Variants in LCORL observed in about 807,000 individuals in gnomAD.
LCORL encodes the protein ligand dependent nuclear receptor corepressor like.
Under a neutral mutation model 141.8 loss-of-function variants are expected in LCORL, and 41 were observed. The ratio of observed to expected loss-of-function variants is 0.29; its 90% CI spans 0.23 to 0.38. LCORL has a LOEUF of 0.38. LCORL is among the 10% of genes least tolerant of loss of function. The pLI is 1.00. For missense variants in LCORL, 1,759 were observed against 2,035.0 expected (o/e 0.86, Z 2.61); for synonymous variants, 618 against 694.1 (o/e 0.89, Z 1.72).
intron 2 of LCORL, among the ~76,000 whole-genome samples, chr4:17,970,469 A>G (rs1715711733): frequency 6.6e-6 from 1 of 152,308 alleles, no homozygotes; most frequent in South Asian, 2.1e-4. Context: ...TGTAAAATAT[A>G]AAACTCTGAA....
intron 5 of LCORL, among the ~76,000 whole-genome samples, chr4:17,898,960 TAACAGCTTTGACA>T (rs1348780343): frequency 1.3e-5 from 2 of 152,194 alleles, no homozygotes; most frequent in Admixed American, 1.3e-4. Flanking sequence ...GTCTGTTGCT[TAACAGCTTTGACA>T]AACAGGGTAT....
intron 6 of LCORL, among the ~76,000 whole-genome samples, chr4:17,879,074 T>C (rs946107373): frequency 6.6e-6 from 1 of 151,224 alleles, no homozygotes; most frequent in Non-Finnish European, 1.5e-5. Flanking sequence ...GCCTTTCACT[T>C]ACAGTTTATT....
At chr4:18,006,713 C>A (rs781641070) in intron 1 of LCORL, among the ~76,000 whole-genome samples, 1 of 152,102 alleles carries the variant, frequency 6.6e-6, no homozygotes, top group Non-Finnish European at 1.5e-5. Flanking sequence ...TTCACCATCA[C>A]AAGAACAGCG....
intron 1 of LCORL, among the ~76,000 whole-genome samples, chr4:18,003,325 A>G (rs1722272258): frequency 6.6e-6 from 1 of 152,214 alleles, no homozygotes. Context: ...GAGTGAAAAT[A>G]AAGGGAAATG....
Position 18,021,591 on chromosome 4 carries a change from C to T in LCORL, c.154+7G>A, listed in dbSNP as rs1482255124. On this transcript the variant is annotated splice_region_variant and intron_variant, in intron 1 of 7. Transcript: ENST00000635767. This position sits in a 1 kb window ranked among gnomAD's most constrained non-coding sequence, Gnocchi z 5.5. Reference sequence around the variant, plus strand: ...GAGCCCGGGGCCCCGGCCCGCGTCTCTCTTACCTACACAGTGCATGAGGCG... The same window carrying T: ...GAGCCCGGGGCCCCGGCCCGCGTCTTTCTTACCTACACAGTGCATGAGGCG... 6.5e-6 allele frequency: 10 copies of T among 1,528,856 alleles called. No individual in the cohort carries two copies. Among genetic ancestry groups the T allele is most frequent in the Non-Finnish European group, 8.8e-6 (10 of 1,138,418 alleles). The allele number at this position is 1,528,856 out of a possible 1,614,324, so 94.7% of individuals were successfully genotyped here.
chr4:17,874,155 T>G, exon 7 of LCORL: 2 of 1,234,008 alleles, frequency 1.6e-6, no homozygotes, highest in Middle Eastern at 2.1e-4. Context: ...GTTGTGCAGC[T>G]TTCCCTCTCT....
intron 7 of LCORL, among the ~76,000 whole-genome samples, chr4:17,849,033 C>G (rs887268236): frequency 2.6e-5 from 4 of 152,240 alleles, no homozygotes; most frequent in Non-Finnish European, 5.9e-5. Flanking sequence ...CTGGGAAGCT[C>G]GAACTGGGTG....
intron 7 of LCORL, among the ~76,000 whole-genome samples, chr4:17,864,455 A>G (rs937532284): frequency 6.6e-6 from 1 of 152,122 alleles, no homozygotes; most frequent in African/African-American, 2.4e-5. Flanking sequence ...GGCTCAAGTG[A>G]CCTTCCACAG....
At chr4:17,880,106 T>C (rs1288464959) in intron 6 of LCORL, among the ~76,000 whole-genome samples, 2 of 151,014 alleles carry the variant, frequency 1.3e-5, no homozygotes, top group African/African-American at 4.8e-5. Context: ...AAAAATACTA[T>C]GGTAGCCAGT....
intron 4 of LCORL, among the ~76,000 whole-genome samples, chr4:17,936,770 C>T (rs1335794447): frequency 1.3e-5 from 2 of 152,048 alleles, no homozygotes; most frequent in Non-Finnish European, 2.9e-5. Context: ...TCTATCCTTC[C>T]CTCCCCTTCC....
chr4:17,951,916 C>A (rs997846906), intron 4 of LCORL, among the ~76,000 whole-genome samples: 1 of 152,100 alleles, frequency 6.6e-6, no homozygotes, highest in Non-Finnish European at 1.5e-5. Flanking sequence ...AAAGAAAAAA[C>A]TAAATTAGTA....
rs370642531 is a variant in LCORL, at chr4:17,981,933, G to T, written c.155-9048C>A. ...CCTCAAGCAGGTCCCAATGTCTGTT[G>T]CTCCCCTCTTTGAATCCATGTGTTC... On this transcript the variant is annotated intron_variant, in intron 1 of 7. Transcript: ENST00000635767. Among the ~76,000 whole-genome samples, 33 of 152,070 alleles carry T rather than the reference G, an allele frequency of 2.2e-4. No homozygotes were observed. The East Asian group carries it at 4.8e-3, about 22-fold the overall frequency.
intron 1 of LCORL, among the ~76,000 whole-genome samples, chr4:17,988,266 T>C (rs1037782519): frequency 2.6e-5 from 4 of 152,064 alleles, no homozygotes; most frequent in African/African-American, 9.7e-5. Flanking sequence ...CAGTCTCGGG[T>C]ATGTCTTTAT....
chr4:17,896,065 G>A (rs1203004474), intron 5 of LCORL, among the ~76,000 whole-genome samples: 1 of 152,152 alleles, frequency 6.6e-6, no homozygotes, highest in Non-Finnish European at 1.5e-5. Context: ...CCTCAGAGTA[G>A]AACTGTTGGG....
chr4:17,880,567 C>T (rs1727429095), intron 6 of LCORL: 9 of 964,198 alleles, frequency 9.3e-6, no homozygotes, highest in Admixed American at 1.2e-4. Context: ...AAACTGCTTC[C>T]TAAAGTAAAT....
chr4:17,939,006 T>G (rs948141108), intron 4 of LCORL, among the ~76,000 whole-genome samples: 1 of 152,186 alleles, frequency 6.6e-6, no homozygotes, highest in Non-Finnish European at 1.5e-5. Flanking sequence ...TAAAGCATTA[T>G]TCAACAAACA....
intron 2 of LCORL, 60 bp downstream of exon 2, chr4:17,972,760 T>C (rs949303387): frequency 4.2e-5 from 32 of 770,356 alleles, no homozygotes; most frequent in Middle Eastern, 3.8e-4. Flanking sequence ...AGAACAACAA[T>C]TTTTCATTTG....
rs550358499 is a variant in LCORL at position 17,911,877 on chromosome 4, C to T, written c.431-2532G>A. On this transcript the variant is annotated intron_variant, in intron 4 of 7. Coordinates refer to ENST00000635767, the Ensembl canonical transcript of LCORL. ...CCGGGGACCTGGCCGTGGGGATGGCCGGGGGTCTGGCAGGAAAGGGAGGCA... is the reference window on the plus strand; with the variant it reads ...CCGGGGACCTGGCCGTGGGGATGGCTGGGGGTCTGGCAGGAAAGGGAGGCA... 134 of 476,918 alleles carry T rather than the reference C, an allele frequency of 2.8e-4. 1 individual carries two copies. Among genetic ancestry groups the T allele is most frequent in the South Asian group, 6.4e-4 (37 of 57,392 alleles). The allele number at this position is 476,918 out of a possible 1,614,324, so 29.5% of individuals were successfully genotyped here.
At chr4:17,978,739 T>C (rs1717442984) in intron 1 of LCORL, among the ~76,000 whole-genome samples, 1 of 152,062 alleles carries the variant, frequency 6.6e-6, no homozygotes, top group African/African-American at 2.4e-5. Flanking sequence ...TTTGTCAGGT[T>C]TTATGGATGT....
Sources: gnomAD v4.1 joint callset for allele counts (sites outside exome capture counted in the v4.1 genomes callset) on GRCh38, gnomAD v4.1.1 for gene constraint, Gnocchi (gnomAD v3.1) non-coding constraint, MANE v1.5 for transcripts, NCBI Gene and HGNC (gene_info 2026-07-23, HGNC 2026-07-21) for gene names.